The following CELSR1 variants were observed in gnomAD, a reference collection of about 807,000 sequenced individuals.
The protein encoded by CELSR1 is cadherin EGF LAG seven-pass G-type receptor 1.
Under a neutral mutation model 249.1 loss-of-function variants are expected in CELSR1, and 110 were observed. That is an observed-to-expected ratio of 0.44 (90% confidence interval 0.38 to 0.52). The LOEUF is 0.52. CELSR1 is among the 20% of genes least tolerant of loss of function. The pLI, the probability that CELSR1 is intolerant of heterozygous loss-of-function variation, is 0.00. For missense variants in CELSR1, 4,109 were observed against 4,296.4 expected (o/e 0.96, Z 1.22); for synonymous variants, 2,113 against 1,900.0 (o/e 1.11, Z -2.92).
chr22:46,469,974 AG>A (rs2080137391), intron 1 of CELSR1, among the ~76,000 whole-genome samples: 11 of 6,398 alleles, frequency 1.7e-3, no homozygotes, highest in Non-Finnish European at 2.6e-3. Context: ...AAAGGGAGGG[AG>A]GGAGGAGGAG....
intron 2 of CELSR1, among the ~76,000 whole-genome samples, chr22:46,458,464 GAGA>G (rs760592083): frequency 7.9e-5 from 12 of 152,256 alleles, no homozygotes; most frequent in Non-Finnish European, 1.6e-4. Context: ...AGGCAGCAGA[GAGA>G]AGAACTGGGC....
intron 2 of CELSR1, among the ~76,000 whole-genome samples, chr22:46,457,695 C>G (rs376719324): frequency 6.6e-6 from 1 of 152,374 alleles, no homozygotes; most frequent in African/African-American, 2.4e-5. Context: ...GCCCACACTC[C>G]CGCTCACAGC....
Position 46,411,862 on chromosome 22 carries a change from G to C in CELSR1, c.4612-103C>G, listed in dbSNP as rs2079340994. ...AGCGAGGAGGACATGGCACAGGGTG[G>C]GCGGCACGTAGACAAGGGATGAGGA... On this transcript the variant is annotated intron_variant, in intron 5 of 34. Transcript: ENST00000674500. The surrounding 1 kb of genome is among the most constrained non-coding windows in gnomAD (Gnocchi z 4.2). 8.8e-6 allele frequency: 13 copies of C among 1,470,380 alleles called. No individual in the cohort carries two copies. The highest frequency in any genetic ancestry group is 1.2e-5 in the South Asian group (1 of 83,180). 91.1% of individuals were successfully genotyped at this position (1,470,380 alleles called of 1,614,324 possible).
rs968813527 is a variant in CELSR1 at position 46,445,184 on chromosome 22, G to A, written c.4184-5773C>T. Among the ~76,000 whole-genome samples, 3 of 150,678 alleles carry A rather than the reference G, an allele frequency of 2.0e-5. No homozygotes were observed. Among genetic ancestry groups the A allele is most frequent in the Admixed American group, 6.6e-5 (1 of 15,080 alleles). On this transcript the variant is annotated intron_variant, in intron 2 of 34. Coordinates refer to ENST00000674500, the MANE Select transcript of CELSR1 (RefSeq NM_001378328.1). The surrounding 1 kb of genome is among the most constrained non-coding windows in gnomAD (Gnocchi z 4.4). ...ATAGTCCAGTCTGGGTGACAAGAGC[G>A]AAACTCCACCTCAAAAATAAAAAAT...
At chr22:46,463,568 G>T in intron 2 of CELSR1, 139 bp downstream of exon 2, 4 of 799,150 alleles carry the variant, frequency 5.0e-6, no homozygotes, top group African/African-American at 1.8e-5. Context: ...CTCAAGGTTC[G>T]TGGAGCCCAC....
In CELSR1 at chr22:46,367,115, G is replaced by A. The variant is rs753608642; in HGVS notation, c.8083C>T (p.Pro2695Ser). Reference sequence around the variant, plus strand: ...ACGCAGTGGAAAAGGAGGACGAAGGGGCCCTGGAGGGAGGAAGGTGGGGTC... The same window carrying A: ...ACGCAGTGGAAAAGGAGGACGAAGGAGCCCTGGAGGGAGGAAGGTGGGGTC... Reference protein sequence around the residue: ...LFAIFSGLQGPFVLLFHCVLN... With the variant: ...LFAIFSGLQGSFVLLFHCVLN... Residue 2695 changes from proline to serine, a missense_variant, in exon 29 of 35, where the codon CCC becomes TCC. Physicochemically the swap from Pro to Ser is moderately conservative, Grantham distance 74 (BLOSUM62 -1). Transcript: ENST00000674500. 2.5e-6 allele frequency: 4 copies of A among 1,610,502 alleles called. No homozygotes were observed.
In CELSR1 at chr22:46,398,841, C is replaced by A. The variant is rs1226551094; in HGVS notation, c.5413-204G>T. On this transcript the variant is annotated intron_variant, in intron 10 of 34. Coordinates refer to ENST00000674500, the MANE Select transcript of CELSR1 (RefSeq NM_001378328.1). The surrounding 1 kb of genome is among the most constrained non-coding windows in gnomAD (Gnocchi z 7.2). Reference sequence around the variant, plus strand: ...GATGACCAGGGCGAGGGGACCAGGCCAGAGGATGGGTGTCCATGCCCCAGC... The same window carrying A: ...GATGACCAGGGCGAGGGGACCAGGCAAGAGGATGGGTGTCCATGCCCCAGC... Among the ~76,000 whole-genome samples, 1 of 152,206 alleles carries A rather than the reference C, an allele frequency of 6.6e-6. No individual in the cohort carries two copies. Among genetic ancestry groups the A allele is most frequent in the Non-Finnish European group, 1.5e-5 (1 of 68,032 alleles).
Position 46,363,006 on chromosome 22 carries a change from C to T in CELSR1, c.*217G>A. 1.1e-6 allele frequency: 1 copy of T among 922,274 alleles called. No homozygotes were observed. Among genetic ancestry groups the T allele is most frequent in the East Asian group, 2.5e-5 (1 of 40,446 alleles). The allele number at this position is 922,274 out of a possible 1,614,324, so 57.1% of individuals were successfully genotyped here. The stretch of plus-strand genomic sequence containing the variant: ...CTTTGGCACTTGTCACCAGGTCTGA[C>T]AGGCCCTGAGCTCCTGGGAGAACCA... On this transcript the variant is annotated 3_prime_UTR_variant, in exon 35 of 35. Coordinates refer to ENST00000674500, the MANE Select transcript of CELSR1 (RefSeq NM_001378328.1). The surrounding 1 kb of genome is among the most constrained non-coding windows in gnomAD (Gnocchi z 4.3).
At position 46,389,309 on chromosome 22, in the gene CELSR1, T is replaced by C; in HGVS notation, c.6536A>G (p.Gln2179Arg). ...WQQGFDLAAT[Q>R]DADFHEDVIH... ...GCCTACCTCGTGAAAGTCGGCGTCC[T>C]GCGTGGCTGCCAGGTCGAAGCCCTG... Residue 2179 changes from glutamine to arginine, a missense_variant, in exon 18 of 35, where the codon CAG (glutamine) becomes CGG (arginine). Transcript: ENST00000674500. 1 of 1,607,564 alleles carries C rather than the reference T, an allele frequency of 6.2e-7. No individual in the cohort carries two copies. The highest frequency in any genetic ancestry group is 2.2e-5 in the East Asian group (1 of 44,882).
chr22:46,418,445 A>G (rs2147365174), intron 5 of CELSR1, among the ~76,000 whole-genome samples: 1 of 152,346 alleles, frequency 6.6e-6, no homozygotes, highest in East Asian at 1.9e-4. Context: ...AGATTGTACA[A>G]CTACACTCCA....
At chr22:46,449,622 C>T (rs562028618) in intron 2 of CELSR1, among the ~76,000 whole-genome samples, 2 of 152,352 alleles carry the variant, frequency 1.3e-5, no homozygotes, top group Admixed American at 6.5e-5. Flanking sequence ...ATGAACAAAA[C>T]AGATCCCTGC....
Position 46,537,487 on chromosome 22 carries a change from G to T in CELSR1, c.-317C>A, listed in dbSNP as rs553185294. ...CTCCAGGCGGCTCCAGGTGGCTCCG[G>T]CGCGGGCTCGGCCGGACGGGCGTGG... is the stretch of plus-strand genomic sequence containing the variant. On this transcript the variant is annotated 5_prime_UTR_variant, in exon 1 of 35. Transcript: ENST00000674500. This position sits in a 1 kb window ranked among gnomAD's most constrained non-coding sequence, Gnocchi z 5.8. 0.011 allele frequency among the ~76,000 whole-genome samples: 1,659 copies of T among 149,390 alleles called. 27 individuals carry two copies. Among genetic ancestry groups the T allele is most frequent in the African/African-American group, 0.038 (1,554 of 41,216 alleles).
In CELSR1 at chr22:46,380,917, C is replaced by T. The variant is rs1337826304; in HGVS notation, c.7127G>A (p.Ser2376Asn). The T allele has an allele frequency of 6.2e-7, 1 of 1,613,598 alleles. No homozygotes were observed. The highest frequency in any genetic ancestry group is 1.3e-5 in the African/African-American group (1 of 74,918). ...HRPIINTPMV[S>N]TLVYSEGAPL... ...AGCCCCCTCGCTGTACACCAGCGTG[C>T]TCACCATCGGGGTATTAATGATGGG... The change falls in exon 22 of 35, where the codon AGC (serine) becomes AAC (asparagine). Residue 2376 changes from serine (S) to asparagine (N), a missense_variant. Around this residue, in one of 7 missense-constraint regions of CELSR1, gnomAD observed 1,805 missense variants for 1,831.6 expected, o/e 0.99. Coordinates refer to ENST00000674500, the MANE Select transcript of CELSR1 (RefSeq NM_001378328.1). This position sits in a 1 kb window ranked among gnomAD's most constrained non-coding sequence, Gnocchi z 5.1.
At chr22:46,495,945 G>T (rs1270045293) in intron 1 of CELSR1, among the ~76,000 whole-genome samples, 1 of 152,002 alleles carries the variant, frequency 6.6e-6, no homozygotes, top group Non-Finnish European at 1.5e-5. Context: ...TGTAATCCCA[G>T]CGCTTTGGGA....
In CELSR1 at chr22:46,362,741, TTTTAAGAC is replaced by T; in HGVS notation, c.*474_*481del. On this transcript the variant is annotated 3_prime_UTR_variant, in exon 35 of 35. Transcript: ENST00000674500. Reference sequence around the variant, plus strand: ...CCACCTTTCCCACATAGCGAAGTGATTTTAAGACAAGGGGTGCCTTTGCAAAGGACTGC... The same window carrying T: ...CCACCTTTCCCACATAGCGAAGTGATAAGGGGTGCCTTTGCAAAGGACTGC... 1 of 184,186 alleles carries T rather than the reference TTTTAAGAC, an allele frequency of 5.4e-6. No homozygotes were observed. Among genetic ancestry groups the T allele is most frequent in the South Asian group, 1.6e-4 (1 of 6,408 alleles). 11.4% of individuals were successfully genotyped at this position (184,186 alleles called of 1,614,324 possible).
At position 46,468,549 on chromosome 22, in the gene CELSR1, A is replaced by G. The variant is rs143259155; in HGVS notation, c.3545-4204T>C. Among the ~76,000 whole-genome samples the G allele has an allele frequency of 7.4e-4, 113 of 152,228 alleles. No individual in the cohort carries two copies. Among genetic ancestry groups the G allele is most frequent in the African/African-American group, 2.6e-3 (108 of 41,538 alleles). On this transcript the variant is annotated intron_variant, in intron 1 of 34. Coordinates refer to ENST00000674500, the MANE Select transcript of CELSR1 (RefSeq NM_001378328.1). The surrounding 1 kb of genome is among the most constrained non-coding windows in gnomAD (Gnocchi z 4.5). ...GGCTGCACTTACAGGAGGTCCCTAG[A>G]GGAGTTCGATTCATAGAGGCAGAAA...
In CELSR1 at chr22:46,407,788, C is replaced by T. The variant is rs2079283157; in HGVS notation, c.5226+1208G>A. On this transcript the variant is annotated intron_variant, in intron 9 of 34. Coordinates refer to ENST00000674500, the MANE Select transcript of CELSR1 (RefSeq NM_001378328.1). This position sits in a 1 kb window ranked among gnomAD's most constrained non-coding sequence, Gnocchi z 4.8. ...GATGAGAATTAGGCCTAAGGAGAGA[C>T]ATAAAGGGAGCTTTTTAGGAGGGAG... 6.6e-6 allele frequency among the ~76,000 whole-genome samples: 1 copy of T among 152,224 alleles called. No homozygotes were observed. The highest frequency in any genetic ancestry group is 2.4e-5 in the African/African-American group (1 of 41,458).
chr22:46,422,614 A>T (rs2079489105), intron 5 of CELSR1, among the ~76,000 whole-genome samples: 7 of 150,774 alleles, frequency 4.6e-5, no homozygotes. Flanking sequence ...TAAATAAATA[A>T]AAATTAGCCG....
chr22:46,380,540 T>C lies in CELSR1; in HGVS notation c.7256+248A>G, dbSNP rs968335653. ...GGGTGTCAGCCTTGAGGGATCTCTC[T>C]GTGCGCCTGCACATCTGTATCTCCA... On this transcript the variant is annotated intron_variant, in intron 22 of 34. Coordinates refer to ENST00000674500, the MANE Select transcript of CELSR1 (RefSeq NM_001378328.1). The surrounding 1 kb of genome is among the most constrained non-coding windows in gnomAD (Gnocchi z 5.1). Among the ~76,000 whole-genome samples, 9 of 152,230 alleles carry C rather than the reference T, an allele frequency of 5.9e-5. No homozygotes were observed. The highest frequency in any genetic ancestry group is 8.8e-5 in the Non-Finnish European group (6 of 68,038).
Sources: gnomAD v4.1 joint callset for allele counts (sites outside exome capture counted in the v4.1 genomes callset) on GRCh38, gnomAD v4.1.1 for gene constraint, gnomAD v4.1.1 regional missense constraint, Gnocchi (gnomAD v3.1) non-coding constraint, MANE v1.5 for transcripts, NCBI Gene and HGNC (gene_info 2026-07-23, HGNC 2026-07-21) for gene names.